Variants in SEC14L5 observed in about 807,000 individuals in gnomAD.
The protein encoded by SEC14L5 is SEC14 like lipid binding 5, also known as SEC14-like protein 5.
SEC14L5 carries 96 observed loss-of-function variants against 84.6 expected under a neutral mutation model. The ratio of observed to expected loss-of-function variants is 1.13; its 90% CI spans 0.96 to 1.34. The LOEUF (loss-of-function observed/expected upper bound fraction) is 1.34, where lower values mean the gene tolerates loss of function less well. Ranked by LOEUF, SEC14L5 falls within the 40% of genes most tolerant of loss-of-function variation. SEC14L5 has a pLI of 0.00. For synonymous variants in SEC14L5, 546 were observed against 383.4 expected (o/e 1.42, Z -4.95); for missense variants, 1,224 against 942.5 (o/e 1.30, Z -3.91).
chr16:5,012,905 G>GAAAAAA (rs35512692), intron 15 of SEC14L5, among the ~76,000 whole-genome samples: 2 of 145,824 alleles, frequency 1.4e-5, no homozygotes. Flanking sequence ...AAAGAAAAAG[G>GAAAAAA]AAAAAAAAAA....
intron 1 of SEC14L5, among the ~76,000 whole-genome samples, chr16:4,958,927 G>T (rs895408749): frequency 2.0e-5 from 3 of 152,118 alleles, no homozygotes; most frequent in African/African-American, 7.2e-5. Context: ...GCTGCGGGGT[G>T]CATGCGTGAA....
At chr16:4,968,404 C>T (rs1299124498) in intron 2 of SEC14L5, among the ~76,000 whole-genome samples, 1 of 152,192 alleles carries the variant, frequency 6.6e-6, no homozygotes, top group Non-Finnish European at 1.5e-5. Context: ...GTCTCGAACT[C>T]CCGACCTCAG....
chr16:4,974,283 A>G (rs1955314371), intron 2 of SEC14L5, among the ~76,000 whole-genome samples: 1 of 151,302 alleles, frequency 6.6e-6, no homozygotes, highest in Admixed American at 6.6e-5. Flanking sequence ...TGGCAGGATC[A>G]TAGCTCACTG....
At chr16:5,013,494 C>G (rs1023175748) in intron 15 of SEC14L5, among the ~76,000 whole-genome samples, 3 of 151,208 alleles carry the variant, frequency 2.0e-5, no homozygotes, top group Non-Finnish European at 4.4e-5. Context: ...TCAAGCAATC[C>G]TCCAACCTCA....
At chr16:4,995,729 C>T (rs1040622197) in intron 6 of SEC14L5, among the ~76,000 whole-genome samples, 30 of 150,990 alleles carry the variant, frequency 2.0e-4, no homozygotes, top group Admixed American at 7.3e-4. Flanking sequence ...CAGGTTCAAG[C>T]GATTCTCCTG....
intron 2 of SEC14L5, among the ~76,000 whole-genome samples, chr16:4,984,816 C>A (rs1436781532): frequency 6.6e-6 from 1 of 152,128 alleles, no homozygotes; most frequent in African/African-American, 2.4e-5. Flanking sequence ...GTTTCATTTG[C>A]TTTTTTGTGT....
chr16:4,979,968 A>T lies in SEC14L5; in HGVS notation c.64-7589A>T, dbSNP rs142094952. Among the ~76,000 whole-genome samples, 59 of 152,210 alleles carry T rather than the reference A, an allele frequency of 3.9e-4. 1 individual carries two copies. The highest frequency in any genetic ancestry group is 7.8e-4 in the Non-Finnish European group (53 of 68,020). ...GGGACTCAGCATTTCCAAGCCACCG[A>T]TGCTTGTGACGTAGCCAGAGATTCT... On this transcript the variant is annotated intron_variant, in intron 2 of 15. Coordinates refer to ENST00000251170, the MANE Select transcript of SEC14L5 (RefSeq NM_014692.2).
chr16:5,003,672 C>T, intron 11 of SEC14L5, 99 bp downstream of exon 11: 1 of 800,880 alleles, frequency 1.2e-6, no homozygotes, highest in Non-Finnish European at 1.9e-6. Flanking sequence ...TGTTTCATTT[C>T]ATTTAGTAAC....
rs140541268 is a variant in SEC14L5, at chr16:4,983,932, T to C, written c.64-3625T>C. 4.0e-3 allele frequency among the ~76,000 whole-genome samples: 616 copies of C among 152,186 alleles called. 7 individuals carry two copies. Among genetic ancestry groups the C allele is most frequent in the African/African-American group, 0.014 (591 of 41,518 alleles). On this transcript the variant is annotated intron_variant, in intron 2 of 15. Coordinates refer to ENST00000251170, the MANE Select transcript of SEC14L5 (RefSeq NM_014692.2). ...AATAAATAAATAGTATATGTATACA[T>C]GTGGATTCATATGTGTGTATGTGTA...
At chr16:4,964,119 G>C (rs1186426912) in intron 2 of SEC14L5, among the ~76,000 whole-genome samples, 1 of 152,210 alleles carries the variant, frequency 6.6e-6, no homozygotes, top group African/African-American at 2.4e-5. Flanking sequence ...GGGTCCGTCA[G>C]TCCTTTGAAT....
Position 4,964,539 on chromosome 16 carries a change from G to A in SEC14L5, c.63+5153G>A, listed in dbSNP as rs554386121. ...AGACAGGTTGCAGGGAGCCGAGTTC[G>A]CTCCATTGCACTCCAGCCTGGGTGA... On this transcript the variant is annotated intron_variant, in intron 2 of 15. Transcript: ENST00000251170. 2.2e-3 allele frequency among the ~76,000 whole-genome samples: 334 copies of A among 151,966 alleles called. 2 individuals carry two copies. Among genetic ancestry groups the A allele is most frequent in the African/African-American group, 7.8e-3 (322 of 41,470 alleles).
intron 2 of SEC14L5, among the ~76,000 whole-genome samples, chr16:4,981,186 C>T (rs1229707781): frequency 1.3e-5 from 2 of 151,294 alleles, no homozygotes; most frequent in South Asian, 4.2e-4. Context: ...GTGCGATCTC[C>T]ACTCACTGCA....
At chr16:5,004,685 G>C (rs1955712224) in intron 11 of SEC14L5, among the ~76,000 whole-genome samples, 1 of 152,148 alleles carries the variant, frequency 6.6e-6, no homozygotes, top group South Asian at 2.1e-4. Flanking sequence ...TGCACGGGGG[G>C]ATTGCAGTTT....
At chr16:4,976,433 C>A (rs183056551) in intron 2 of SEC14L5, among the ~76,000 whole-genome samples, 1 of 152,320 alleles carries the variant, frequency 6.6e-6, no homozygotes, top group East Asian at 1.9e-4. Context: ...TCAGGGATAT[C>A]AGCGGCTGAT....
intron 12 of SEC14L5, 111 bp from the exon 13 acceptor site, chr16:5,007,241 A>C (rs963542361): frequency 2.3e-6 from 2 of 888,182 alleles, no homozygotes; most frequent in Non-Finnish European, 3.5e-6. Context: ...CCCATTCAGT[A>C]AGGGGTTGCA....
chr16:4,991,744 C>T, intron 5 of SEC14L5, 94 bp from the exon 6 acceptor site: 1 of 779,170 alleles, frequency 1.3e-6, no homozygotes. Flanking sequence ...GGGGCTGGGA[C>T]CTGAGCCGGC....
chr16:4,972,157 G>A (rs547647159), intron 2 of SEC14L5, among the ~76,000 whole-genome samples: 8 of 151,754 alleles, frequency 5.3e-5, no homozygotes, highest in African/African-American at 1.5e-4. Flanking sequence ...AGGTGCCACC[G>A]AACCTGGCTA....
At chr16:4,965,287 A>C (rs546082688) in intron 2 of SEC14L5, among the ~76,000 whole-genome samples, 3 of 152,230 alleles carry the variant, frequency 2.0e-5, no homozygotes, top group Non-Finnish European at 4.4e-5. Context: ...AGTTGTTTTC[A>C]GTTTGGGGGG....
chr16:5,012,180 C>A (rs1567131154), intron 15 of SEC14L5, among the ~76,000 whole-genome samples: 1 of 152,088 alleles, frequency 6.6e-6, no homozygotes, highest in Non-Finnish European at 1.5e-5. Flanking sequence ...GCTGGCGATT[C>A]ACTCTTTGTG....
Sources: allele counts gnomAD v4.1 joint callset (sites outside exome capture counted in the v4.1 genomes callset), GRCh38; gene constraint gnomAD v4.1.1; transcripts MANE v1.5; gene names NCBI Gene and HGNC (gene_info 2026-07-23, HGNC 2026-07-21).